Variants in SLC38A12 observed in about 807,000 individuals in gnomAD.
SLC38A12 encodes putative sodium-coupled neutral amino acid transporter 12.
the SLC38A12 span, among the ~76,000 whole-genome samples, chr17:74,828,607 T>C: frequency 2.6e-5 from 4 of 152,058 alleles, no homozygotes; most frequent in African/African-American, 9.7e-5. Flanking sequence ...TATGGAGATG[T>C]CCCTCTGATG....
At chr17:74,810,796 C>G in the SLC38A12 span, among the ~76,000 whole-genome samples, 5 of 152,258 alleles carry the variant, frequency 3.3e-5, no homozygotes, top group Non-Finnish European at 7.3e-5. Context: ...ACGACCTCCT[C>G]TAGATGGCAT....
the SLC38A12 span, among the ~76,000 whole-genome samples, chr17:74,808,462 G>A: frequency 6.6e-6 from 1 of 152,232 alleles, no homozygotes; most frequent in East Asian, 1.9e-4. Flanking sequence ...CTGCAGGGAG[G>A]AGCTCTCCTT....
the SLC38A12 span, among the ~76,000 whole-genome samples, chr17:74,793,870 T>C: frequency 1.3e-5 from 2 of 152,180 alleles, no homozygotes; most frequent in Admixed American, 6.5e-5. Context: ...TCTTAGTCTT[T>C]TCCCCCCCAG....
chr17:74,785,469 C>G, the SLC38A12 span: 10 of 1,606,480 alleles, frequency 6.2e-6, no homozygotes, highest in African/African-American at 1.3e-5. Flanking sequence ...AATGTTGCCT[C>G]TGTCGGTTCC....
the SLC38A12 span, among the ~76,000 whole-genome samples, chr17:74,800,922 C>T: frequency 6.6e-6 from 1 of 152,166 alleles, no homozygotes; most frequent in Non-Finnish European, 1.5e-5. Flanking sequence ...AATGCAGGAC[C>T]CTCAGCCCAG....
At chr17:74,794,256 T>C in the SLC38A12 span, among the ~76,000 whole-genome samples, 1 of 152,218 alleles carries the variant, frequency 6.6e-6, no homozygotes, top group African/African-American at 2.4e-5. Context: ...ACAAGTCTGA[T>C]GGAATTAGGA....
the SLC38A12 span, among the ~76,000 whole-genome samples, chr17:74,780,840 C>A: frequency 1.3e-5 from 2 of 152,210 alleles, no homozygotes; most frequent in Admixed American, 6.5e-5. Flanking sequence ...ACTGCAATTA[C>A]CCATTTCTGC....
At chr17:74,804,175 C>T in the SLC38A12 span, among the ~76,000 whole-genome samples, 8 of 152,226 alleles carry the variant, frequency 5.3e-5, no homozygotes, top group Non-Finnish European at 1.2e-4. Flanking sequence ...TGCTCTGTTA[C>T]AGGGTGTGTA....
the SLC38A12 span, chr17:74,839,291 C>G: frequency 2.9e-6 from 3 of 1,036,216 alleles, no homozygotes; most frequent in Non-Finnish European, 4.1e-6. Flanking sequence ...AGGGAGCAGC[C>G]TCGGCAACAG....
At chr17:74,818,102 A>G in the SLC38A12 span, among the ~76,000 whole-genome samples, 1 of 152,150 alleles carries the variant, frequency 6.6e-6, no homozygotes, top group African/African-American at 2.4e-5. Context: ...TGACTTACTG[A>G]TGGTGCTGCG....
At chr17:74,787,713 T>C in the SLC38A12 span, among the ~76,000 whole-genome samples, 1 of 152,086 alleles carries the variant, frequency 6.6e-6, no homozygotes, top group Non-Finnish European at 1.5e-5. Flanking sequence ...CAGGTTTTAT[T>C]AGCAGGAAGG....
chr17:74,809,831 A>G, the SLC38A12 span, among the ~76,000 whole-genome samples: 1 of 152,124 alleles, frequency 6.6e-6, no homozygotes, highest in South Asian at 2.1e-4. Context: ...TCAGAGTCGA[A>G]TAACATTTTC....
At chr17:74,822,424 CGA>C in the SLC38A12 span, among the ~76,000 whole-genome samples, 3 of 152,222 alleles carry the variant, frequency 2.0e-5, no homozygotes, top group African/African-American at 7.2e-5. Flanking sequence ...ACAGTGGCCT[CGA>C]GAGAGGCTTT....
the SLC38A12 span, among the ~76,000 whole-genome samples, chr17:74,832,021 T>C: frequency 6.6e-6 from 1 of 152,128 alleles, no homozygotes; most frequent in Non-Finnish European, 1.5e-5. Context: ...ATCTAGGAGA[T>C]GGCTGTTGAA....
chr17:74,828,543 C>T, the SLC38A12 span, among the ~76,000 whole-genome samples: 1 of 152,108 alleles, frequency 6.6e-6, no homozygotes, highest in South Asian at 2.1e-4. Context: ...GGGCAGGGAC[C>T]GTTGGGCAGG....
chr17:74,788,810 G>A, the SLC38A12 span: 5 of 1,613,388 alleles, frequency 3.1e-6, no homozygotes, highest in Non-Finnish European at 3.4e-6. Context: ...CCACCTTTGT[G>A]ATAGAGGCCA....
At chr17:74,812,220 T>A in the SLC38A12 span, among the ~76,000 whole-genome samples, 1 of 151,748 alleles carries the variant, frequency 6.6e-6, no homozygotes, top group African/African-American at 2.4e-5. Flanking sequence ...CAGCATGCTT[T>A]GAGGGGTTCA....
chr17:74,807,105 A>ACCCCCCCCCCCCCCCCCCCCCCCCTCCC, the SLC38A12 span, among the ~76,000 whole-genome samples: 1 of 126,176 alleles, frequency 7.9e-6, no homozygotes. Flanking sequence ...TCCCCCAGAC[A>ACCCCCCCCCCCCCCCCCCCCCCCCTCCC]CCCCCCCACC....
chr17:74,839,025 C>T, the SLC38A12 span: 15 of 1,535,740 alleles, frequency 9.8e-6, no homozygotes, highest in South Asian at 3.6e-5. Context: ...GCCCCAGATG[C>T]CCCCGGTGCA....
Sources: allele counts gnomAD v4.1 joint callset (sites outside exome capture counted in the v4.1 genomes callset), GRCh38; gene constraint gnomAD v4.1.1; transcripts MANE v1.5; gene names NCBI Gene and HGNC (gene_info 2026-07-23, HGNC 2026-07-21).